The following ARGLU1 variants were observed in gnomAD, a reference collection of about 807,000 sequenced individuals.
The protein encoded by ARGLU1 is arginine and glutamate rich 1.
A neutral mutation model predicts 37.6 loss-of-function variants in ARGLU1; 9 were observed. The ratio of observed to expected loss-of-function variants is 0.24; its 90% CI spans 0.14 to 0.42. ARGLU1 has a LOEUF of 0.42. Among genes scored for constraint, ARGLU1 ranks in the 10% least tolerant of loss-of-function variants. ARGLU1 has a pLI of 1.00. For synonymous variants in ARGLU1, 166 were observed against 138.5 expected, an observed-to-expected ratio of 1.20 and a Z score of -1.39; for missense variants, 211 against 359.2, an observed-to-expected ratio of 0.59 and a Z score of 3.34.
chr13:106,552,617 T>C (rs535345964), intron 3 of ARGLU1, among the ~76,000 whole-genome samples: 2 of 152,290 alleles, frequency 1.3e-5, no homozygotes, highest in South Asian at 2.1e-4. Context: ...AAAATTCATA[T>C]ACATTTCAGA....
chr13:106,563,180 T>C (rs959418358), intron 1 of ARGLU1, among the ~76,000 whole-genome samples: 1 of 152,178 alleles, frequency 6.6e-6, no homozygotes, highest in African/African-American at 2.4e-5. Flanking sequence ...AATCGCTTAA[T>C]AATTATTAGC....
At chr13:106,562,233 A>G (rs1880826227) in intron 1 of ARGLU1, among the ~76,000 whole-genome samples, 1 of 152,210 alleles carries the variant, frequency 6.6e-6, no homozygotes, top group Non-Finnish European at 1.5e-5. Context: ...ATGCTACTTC[A>G]GTAATCAGAA....
At chr13:106,563,226 T>C (rs943147914) in intron 1 of ARGLU1, among the ~76,000 whole-genome samples, 1 of 152,190 alleles carries the variant, frequency 6.6e-6, no homozygotes, top group Non-Finnish European at 1.5e-5. Flanking sequence ...AGGTAACATA[T>C]AATATTGTGC....
chr13:106,560,439 T>C (rs182354137), intron 1 of ARGLU1, among the ~76,000 whole-genome samples: 5 of 152,320 alleles, frequency 3.3e-5, no homozygotes, highest in Admixed American at 1.3e-4. Flanking sequence ...AAGGCACCAC[T>C]GGAAATCCTG....
In ARGLU1 at chr13:106,567,859, T is replaced by C; in HGVS notation, c.61A>G (p.Asn21Asp). 2 of 1,613,206 alleles carry C rather than the reference T, an allele frequency of 1.2e-6. No homozygotes were observed. The highest frequency in any genetic ancestry group is 1.7e-6 in the Non-Finnish European group (2 of 1,179,860). The change falls in exon 1 of 4, where the codon AAC (asparagine) becomes GAC (aspartate). Residue 21 changes from asparagine (N) to aspartate (D), a missense_variant. Asn to Asp is a conservative substitution (Grantham distance 23). Around this residue, in one of 3 missense-constraint regions of ARGLU1, gnomAD observed 130 missense variants for 179.8 expected, o/e 0.72. Transcript: ENST00000400198. This position sits in a 1 kb window ranked among gnomAD's most constrained non-coding sequence, Gnocchi z 4.3. ...RSKHTKSSKHNKKRSRSRSRS... is the reference protein window; with the variant it reads ...RSKHTKSSKHDKKRSRSRSRS... ...GACCGGGACCGGCTGCGCTTCTTGTTGTGCTTGCTGCTCTTGGTGTGCTTG... is the reference window on the plus strand; with the variant it reads ...GACCGGGACCGGCTGCGCTTCTTGTCGTGCTTGCTGCTCTTGGTGTGCTTG...
chr13:106,560,921 T>C (rs1880783619), intron 1 of ARGLU1, among the ~76,000 whole-genome samples: 1 of 152,232 alleles, frequency 6.6e-6, no homozygotes, highest in East Asian at 1.9e-4. Context: ...CTCAACTCTA[T>C]TCTTCGGGAT....
intron 3 of ARGLU1, among the ~76,000 whole-genome samples, chr13:106,555,985 C>G (rs546899412): frequency 2.1e-4 from 32 of 152,300 alleles, no homozygotes; most frequent in African/African-American, 7.0e-4. Context: ...TGTATTTACC[C>G]TTCAAAGCTC....
At chr13:106,552,687 T>G (rs926362648) in intron 3 of ARGLU1, among the ~76,000 whole-genome samples, 12 of 152,294 alleles carry the variant, frequency 7.9e-5, no homozygotes, top group Admixed American at 3.3e-4. Context: ...TCAAAAAATT[T>G]TAAGCATTAT....
Position 106,561,513 on chromosome 13 carries a change from G to A in ARGLU1, c.348-1856C>T, listed in dbSNP as rs1338918527. On this transcript the variant is annotated intron_variant, in intron 1 of 3. Coordinates refer to ENST00000400198, the MANE Select transcript of ARGLU1 (RefSeq NM_018011.4). The stretch of plus-strand genomic sequence containing the variant: ...TAGTAAATGTAGAGAAGCCTAAGAA[G>A]AAACTTAATATTTAAAATTTCAAAA... Among the ~76,000 whole-genome samples, 3 of 151,334 alleles carry A rather than the reference G, an allele frequency of 2.0e-5. No individual in the cohort carries two copies. In the East Asian group the frequency reaches 5.8e-4, roughly 29 times the overall value.
Position 106,542,859 on chromosome 13 carries a change from G to A in ARGLU1, c.*1137C>T, listed in dbSNP as rs1880296559. 1 of 150,802 alleles carries A rather than the reference G, an allele frequency of 6.6e-6. No homozygotes were observed. The highest frequency in any genetic ancestry group is 6.6e-5 in the Admixed American group (1 of 15,132). The allele number at this position is 150,802 out of a possible 1,614,324, so 9.3% of individuals were successfully genotyped here. A position where few individuals can be genotyped will look rare whatever the true frequency, so the allele number is the denominator to read the frequency against. On this transcript the variant is annotated 3_prime_UTR_variant, in exon 4 of 4. Transcript: ENST00000400198. ...AAAAAAATTCATAAAGTTCAAATGTGTTTGTCCTAAAAATAAACGTGCAAG... is the reference window on the plus strand; with the variant it reads ...AAAAAAATTCATAAAGTTCAAATGTATTTGTCCTAAAAATAAACGTGCAAG...
At chr13:106,553,714 T>A (rs543555027) in intron 3 of ARGLU1, among the ~76,000 whole-genome samples, 1 of 152,228 alleles carries the variant, frequency 6.6e-6, no homozygotes, top group Admixed American at 6.5e-5. Flanking sequence ...TTGCTTCTTG[T>A]CCTACTTGTG....
intron 1 of ARGLU1, among the ~76,000 whole-genome samples, chr13:106,562,851 T>C (rs1052019653): frequency 7.7e-6 from 1 of 130,568 alleles, no homozygotes; most frequent in Non-Finnish European, 1.6e-5. Flanking sequence ...AATAAATAAA[T>C]AAAAAATAAA....
intron 1 of ARGLU1, among the ~76,000 whole-genome samples, chr13:106,561,179 G>C (rs1345073380): frequency 6.6e-6 from 1 of 152,124 alleles, no homozygotes; most frequent in African/African-American, 2.4e-5. Flanking sequence ...CAGTGAGAGA[G>C]CAGGTATCTT....
At chr13:106,555,446 C>A (rs1594191471) in intron 3 of ARGLU1, among the ~76,000 whole-genome samples, 1 of 152,046 alleles carries the variant, frequency 6.6e-6, no homozygotes, top group African/African-American at 2.4e-5. Context: ...AAAGCATGGC[C>A]CACAGACCAC....
Position 106,542,852 on chromosome 13 carries a change from C to CA in ARGLU1, c.*1143dup, listed in dbSNP as rs1249797877. 6.6e-6 allele frequency: 1 copy of CA among 150,628 alleles called. No homozygotes were observed. Among genetic ancestry groups the CA allele is most frequent in the Admixed American group, 6.6e-5 (1 of 15,148 alleles). The allele number at this position is 150,628 out of a possible 1,614,324, so 9.3% of individuals were successfully genotyped here. ...AAAAAAAAAAAAAATTCATAAAGTTCAAATGTGTTTGTCCTAAAAATAAAC... is the reference window on the plus strand; with the variant it reads ...AAAAAAAAAAAAAATTCATAAAGTTCAAAATGTGTTTGTCCTAAAAATAAAC... On this transcript the variant is annotated 3_prime_UTR_variant, in exon 4 of 4. Coordinates refer to ENST00000400198, the MANE Select transcript of ARGLU1 (RefSeq NM_018011.4).
intron 3 of ARGLU1, among the ~76,000 whole-genome samples, chr13:106,548,553 C>T (rs1047005383): frequency 6.6e-6 from 1 of 152,110 alleles, no homozygotes; most frequent in Non-Finnish European, 1.5e-5. Context: ...CTAACATCCA[C>T]AATACCAGAA....
chr13:106,564,584 T>TA (rs570018184), intron 1 of ARGLU1, among the ~76,000 whole-genome samples: 1 of 152,334 alleles, frequency 6.6e-6, no homozygotes, highest in African/African-American at 2.4e-5. Context: ...GCTTCCACCA[T>TA]AGGCTCTTCT....
At chr13:106,561,079 G>C (rs1368448665) in intron 1 of ARGLU1, among the ~76,000 whole-genome samples, 1 of 152,132 alleles carries the variant, frequency 6.6e-6, no homozygotes, top group African/African-American at 2.4e-5. Flanking sequence ...GTAGGTACTA[G>C]AGAAAGAATA....
chr13:106,567,797 G>A lies in ARGLU1; in HGVS notation c.123C>T (p.Ser41=), dbSNP rs777472804. Residue 41 remains serine, a synonymous_variant, in exon 1 of 4, where the codon TCC becomes TCT. Coordinates refer to ENST00000400198, the MANE Select transcript of ARGLU1 (RefSeq NM_018011.4). This position sits in a 1 kb window ranked among gnomAD's most constrained non-coding sequence, Gnocchi z 4.3. ...GGTTCCGTTTACTTTCCCGAGATTT[G>A]GAACGCTTCCGCACGCGCTCCTTGT... ...SRDKERVRKR[S]KSRESKRNRR... 6.2e-7 allele frequency: 1 copy of A among 1,613,506 alleles called. No homozygotes were observed.
Sources: allele counts gnomAD v4.1 joint callset (sites outside exome capture counted in the v4.1 genomes callset), GRCh38; gene constraint gnomAD v4.1.1; regional missense constraint gnomAD v4.1.1; non-coding constraint Gnocchi (gnomAD v3.1); transcripts MANE v1.5; gene names NCBI Gene and HGNC (gene_info 2026-07-23, HGNC 2026-07-21).